Variants in CDYL2 observed in about 807,000 individuals in gnomAD.
CDYL2 encodes chromodomain Y-like protein 2.
CDYL2 carries 23 observed loss-of-function variants against 49.4 expected under a neutral mutation model. That is an observed-to-expected ratio of 0.47 (90% CI 0.34 to 0.66). The LOEUF is 0.66. Among genes scored for constraint, CDYL2 ranks in the 30% least tolerant of loss-of-function variants. The probability of loss-of-function intolerance (pLI) is 0.01; values close to 1 mark genes in which losing one functional copy is unlikely to be tolerated. For missense variants in CDYL2, 678 were observed against 656.4 expected (o/e 1.03, Z -0.36); for synonymous variants, 360 against 268.8 (o/e 1.34, Z -3.32).
chr16:80,766,414 A>C (rs986673887), intron 1 of CDYL2, among the ~76,000 whole-genome samples: 1 of 152,210 alleles, frequency 6.6e-6, no homozygotes, highest in African/African-American at 2.4e-5. Context: ...AATTTACTGA[A>C]GGCTGAAAAT....
chr16:80,624,948 T>C (rs1186838680), intron 3 of CDYL2, among the ~76,000 whole-genome samples: 1 of 151,934 alleles, frequency 6.6e-6, no homozygotes, highest in African/African-American at 2.4e-5. Flanking sequence ...AAGACAAGAA[T>C]GCTAAGATTT....
chr16:80,614,777 T>A (rs923298225), intron 4 of CDYL2, among the ~76,000 whole-genome samples: 1 of 150,228 alleles, frequency 6.7e-6, no homozygotes, highest in African/African-American at 2.5e-5. Flanking sequence ...GGCAGGAGGA[T>A]TGCATGAACC....
chr16:80,609,761 A>G (rs913953287), intron 5 of CDYL2, among the ~76,000 whole-genome samples: 10 of 152,172 alleles, frequency 6.6e-5, no homozygotes, highest in Non-Finnish European at 1.3e-4. Flanking sequence ...CTCTTTGAAG[A>G]GAGAACTTAG....
chr16:80,605,008 G>A (rs1174592757), intron 6 of CDYL2, among the ~76,000 whole-genome samples: 1 of 152,142 alleles, frequency 6.6e-6, no homozygotes, highest in East Asian at 1.9e-4. Flanking sequence ...CCGTGTTCAG[G>A]CTACAATGTT....
intron 1 of CDYL2, among the ~76,000 whole-genome samples, chr16:80,715,309 T>C (rs901940791): frequency 2.0e-5 from 3 of 152,134 alleles, no homozygotes; most frequent in African/African-American, 7.2e-5. Flanking sequence ...CCCGGAGTCA[T>C]GATCCCACCA....
rs950816683 is a variant in CDYL2 at position 80,682,907 on chromosome 16, C to T, written c.616+1631G>A. On this transcript the variant is annotated intron_variant, in intron 2 of 6. Transcript: ENST00000570137. ...CACGTCAGCGTCAGGGATCCCGAGACGGAAACGTGAGTCAGTCTGGGGCAA... is the reference window on the plus strand; with the variant it reads ...CACGTCAGCGTCAGGGATCCCGAGATGGAAACGTGAGTCAGTCTGGGGCAA... 5.3e-5 allele frequency among the ~76,000 whole-genome samples: 8 copies of T among 152,268 alleles called. No individual in the cohort carries two copies. In the East Asian group the frequency reaches 1.5e-3, roughly 29 times the overall value.
rs77527565 is a variant in CDYL2, at chr16:80,612,233, C to T, written c.1218+393G>A. On this transcript the variant is annotated intron_variant, in intron 5 of 6. Coordinates refer to ENST00000570137, the MANE Select transcript of CDYL2 (RefSeq NM_152342.4). The surrounding 1 kb of genome is among the most constrained non-coding windows in gnomAD (Gnocchi z 5.0). ...TGGAAGTGAGGGCACATTTACTGGA[C>T]GGGAGACACCTGGGTCCCCAGAGAG... Among the ~76,000 whole-genome samples, 1,135 of 152,288 alleles carry T rather than the reference C, an allele frequency of 7.5e-3. 6 individuals are homozygous for T. Among genetic ancestry groups the T allele is most frequent in the Non-Finnish European group, 0.012 (791 of 68,020 alleles).
chr16:80,679,856 G>A, intron 2 of CDYL2: 1 of 449,154 alleles, frequency 2.2e-6, no homozygotes, highest in Non-Finnish European at 4.5e-6. Flanking sequence ...ACTTCTGCTG[G>A]AGGTGCAGAT....
chr16:80,658,918 A>G lies in CDYL2; in HGVS notation c.616+25620T>C, dbSNP rs544504495. ...GAATAGCCAGGCATTGCAAAAGGGC[A>G]TATAAGGCAGCTTGAAGGGGCTCCC... On this transcript the variant is annotated intron_variant, in intron 2 of 6. Transcript: ENST00000570137. Among the ~76,000 whole-genome samples the G allele has an allele frequency of 4.6e-5, 7 of 152,366 alleles. No homozygotes were observed. In the South Asian group the frequency reaches 8.3e-4, roughly 18 times the overall value.
intron 1 of CDYL2, among the ~76,000 whole-genome samples, chr16:80,787,225 T>C (rs577467659): frequency 6.6e-6 from 1 of 152,242 alleles, no homozygotes; most frequent in East Asian, 1.9e-4. Flanking sequence ...AATGAGTGCC[T>C]TGAATGGCAG....
intron 2 of CDYL2, among the ~76,000 whole-genome samples, chr16:80,652,971 G>C (rs1908648788): frequency 6.6e-6 from 1 of 152,186 alleles, no homozygotes; most frequent in African/African-American, 2.4e-5. Context: ...CCCTGAATGG[G>C]ACTCTGGAAC....
intron 1 of CDYL2, among the ~76,000 whole-genome samples, chr16:80,700,061 A>G (rs564735552): frequency 7.0e-4 from 106 of 152,166 alleles, no homozygotes; most frequent in African/African-American, 2.3e-3. Context: ...GGGTTTCACC[A>G]TGTTAGCCAG....
intron 3 of CDYL2, among the ~76,000 whole-genome samples, chr16:80,622,879 G>C (rs1203802278): frequency 6.6e-6 from 1 of 152,168 alleles, no homozygotes; most frequent in East Asian, 1.9e-4. Context: ...TTTTGGATGA[G>C]CCTGAAGGTT....
chr16:80,680,581 T>G (rs907296166), intron 2 of CDYL2, among the ~76,000 whole-genome samples: 1 of 152,208 alleles, frequency 6.6e-6, no homozygotes, highest in African/African-American at 2.4e-5. Context: ...CCAGCTTTTC[T>G]GTACCGATGA....
intron 2 of CDYL2, among the ~76,000 whole-genome samples, chr16:80,661,890 C>T (rs557931772): frequency 1.8e-4 from 27 of 152,160 alleles, no homozygotes; most frequent in Non-Finnish European, 3.4e-4. Flanking sequence ...CAACACAGAG[C>T]GCAGTGCCTA....
chr16:80,702,473 G>C (rs897765012), intron 1 of CDYL2, among the ~76,000 whole-genome samples: 1 of 152,144 alleles, frequency 6.6e-6, no homozygotes, highest in East Asian at 1.9e-4. Flanking sequence ...AGACAGGTCT[G>C]GACATGAGGG....
chr16:80,673,872 C>T (rs1909632782), intron 2 of CDYL2, among the ~76,000 whole-genome samples: 1 of 152,084 alleles, frequency 6.6e-6, no homozygotes, highest in South Asian at 2.1e-4. Flanking sequence ...AAGAGGGAGG[C>T]AGGGGGCTTG....
chr16:80,655,636 G>C (rs973063051), intron 2 of CDYL2, among the ~76,000 whole-genome samples: 6 of 152,170 alleles, frequency 3.9e-5, no homozygotes, highest in Non-Finnish European at 5.9e-5. Flanking sequence ...GAGGCAAAGA[G>C]ACCCTCCTAC....
chr16:80,784,490 C>G (rs973376851), intron 1 of CDYL2, among the ~76,000 whole-genome samples: 3 of 152,006 alleles, frequency 2.0e-5, no homozygotes, highest in Non-Finnish European at 2.9e-5. Flanking sequence ...TTCCCAGTAA[C>G]ACACTTAAAG....
Sources: allele counts gnomAD v4.1 joint callset (sites outside exome capture counted in the v4.1 genomes callset), GRCh38; gene constraint gnomAD v4.1.1; non-coding constraint Gnocchi (gnomAD v3.1); transcripts MANE v1.5; gene names NCBI Gene and HGNC (gene_info 2026-07-23, HGNC 2026-07-21).